Variants in RAPGEF4 observed in about 807,000 individuals in gnomAD.
The protein encoded by RAPGEF4 is RAP guanine-nucleotide-exchange factor (GEF) 4.
RAPGEF4 carries 66 observed loss-of-function variants against 147.9 expected under a neutral mutation model. That is an observed-to-expected ratio of 0.45 (90% confidence interval 0.37 to 0.55). RAPGEF4 has a LOEUF of 0.55. RAPGEF4 is among the 20% of genes least tolerant of loss of function. RAPGEF4 has a pLI of 0.00. For synonymous variants in RAPGEF4, 419 were observed against 442.7 expected (o/e 0.95, Z 0.67); for missense variants, 1,071 against 1,257.3 (o/e 0.85, Z 2.24).
At chr2:172,912,558 CTT>C (rs1215717403) in intron 4 of RAPGEF4, among the ~76,000 whole-genome samples, 1 of 152,150 alleles carries the variant, frequency 6.6e-6, no homozygotes, top group African/African-American at 2.4e-5. Context: ...CCCTTTCTAA[CTT>C]TGAAAATATT....
intron 4 of RAPGEF4, among the ~76,000 whole-genome samples, chr2:172,832,891 C>A (rs1381262999): frequency 6.6e-6 from 1 of 152,234 alleles, no homozygotes; most frequent in Non-Finnish European, 1.5e-5. Flanking sequence ...ATGGGTTACA[C>A]ATCCATGGAT....
At chr2:172,934,540 A>G (rs1013146347) in intron 6 of RAPGEF4, among the ~76,000 whole-genome samples, 3 of 152,170 alleles carry the variant, frequency 2.0e-5, no homozygotes, top group East Asian at 1.9e-4. Context: ...AAAAAGTCCA[A>G]TGCAATGAAT....
intron 4 of RAPGEF4, among the ~76,000 whole-genome samples, chr2:172,878,584 A>G (rs527638724): frequency 6.6e-6 from 1 of 152,212 alleles, no homozygotes; most frequent in Non-Finnish European, 1.5e-5. Flanking sequence ...ACTGAGAGCC[A>G]TCAGAACTTT....
intron 1 of RAPGEF4, among the ~76,000 whole-genome samples, chr2:172,787,183 GC>G: frequency 6.6e-6 from 1 of 152,202 alleles, no homozygotes; most frequent in Non-Finnish European, 1.5e-5. Flanking sequence ...TTGCGCTGCA[GC>G]CTGGGGGACA....
chr2:172,982,563 TAA>T (rs1691797768), intron 10 of RAPGEF4, among the ~76,000 whole-genome samples: 1 of 152,174 alleles, frequency 6.6e-6, no homozygotes, highest in Non-Finnish European at 1.5e-5. Flanking sequence ...ACCATTAATA[TAA>T]ACACTATGAA....
chr2:172,950,297 G>C (rs1028641035), intron 6 of RAPGEF4, among the ~76,000 whole-genome samples: 42 of 152,292 alleles, frequency 2.8e-4, no homozygotes, highest in Non-Finnish European at 1.2e-4. Flanking sequence ...AGTCTCAGTG[G>C]TACCCAGTGG....
intron 4 of RAPGEF4, among the ~76,000 whole-genome samples, chr2:172,842,967 G>A (rs971069389): frequency 6.6e-6 from 1 of 152,170 alleles, no homozygotes; most frequent in Non-Finnish European, 1.5e-5. Context: ...CATGTTGGGT[G>A]GAGCTTGGAA....
intron 1 of RAPGEF4, among the ~76,000 whole-genome samples, chr2:172,749,271 C>A (rs981514213): frequency 6.6e-6 from 1 of 152,228 alleles, no homozygotes; most frequent in African/African-American, 2.4e-5. Flanking sequence ...AGCAGGGGTT[C>A]TCCATGAGGG....
intron 17 of RAPGEF4, among the ~76,000 whole-genome samples, chr2:173,006,427 T>C (rs1224997035): frequency 6.6e-6 from 1 of 152,220 alleles, no homozygotes; most frequent in Non-Finnish European, 1.5e-5. Flanking sequence ...TTTTTGTTAG[T>C]ATACTAATTT....
chr2:172,755,690 C>G (rs749708933), intron 1 of RAPGEF4, among the ~76,000 whole-genome samples: 1 of 152,200 alleles, frequency 6.6e-6, no homozygotes, highest in Non-Finnish European at 1.5e-5. Context: ...GCTACTGCGC[C>G]TGGCCTAAAA....
At chr2:172,828,256 T>A (rs1689896995) in intron 4 of RAPGEF4, among the ~76,000 whole-genome samples, 1 of 152,162 alleles carries the variant, frequency 6.6e-6, no homozygotes, top group South Asian at 2.1e-4. Flanking sequence ...ACCAAGTCCC[T>A]CACTCCATGG....
chr2:172,860,273 G>T (rs925819395), intron 4 of RAPGEF4: 1 of 985,448 alleles, frequency 1.0e-6, no homozygotes. Flanking sequence ...GGCTCCTGCC[G>T]TGGTGGACCT....
chr2:172,843,991 A>G (rs1302888915), intron 4 of RAPGEF4, among the ~76,000 whole-genome samples: 2 of 152,252 alleles, frequency 1.3e-5, no homozygotes, highest in African/African-American at 4.8e-5. Flanking sequence ...TTGCCGTTAA[A>G]TTGCAAATCC....
chr2:172,772,020 T>G (rs530820611), intron 1 of RAPGEF4, among the ~76,000 whole-genome samples: 3 of 152,296 alleles, frequency 2.0e-5, no homozygotes, highest in African/African-American at 7.2e-5. Context: ...GGATGATCAC[T>G]TGATCCCAAA....
chr2:172,818,951 A>G (rs1348254371), intron 4 of RAPGEF4, among the ~76,000 whole-genome samples: 1 of 152,224 alleles, frequency 6.6e-6, no homozygotes, highest in Non-Finnish European at 1.5e-5. Flanking sequence ...TAAGTCATAT[A>G]GGCAACACTC....
intron 1 of RAPGEF4, among the ~76,000 whole-genome samples, chr2:172,787,491 G>A (rs1685327708): frequency 6.6e-6 from 1 of 151,804 alleles, no homozygotes; most frequent in Admixed American, 6.6e-5. Flanking sequence ...AAACAAAACA[G>A]GAATACATAG....
Position 172,990,791 on chromosome 2 carries a change from G to C in RAPGEF4, c.1375-19G>C, listed in dbSNP as rs758994029. On this transcript the variant is annotated intron_variant, in intron 14 of 30. Transcript: ENST00000397081. ...GAGTAAGCGGCAGCATCTGTATGTG[G>C]TGTAATTTGTATTTGCAGGACGTGG... is the stretch of plus-strand genomic sequence containing the variant. The C allele has an allele frequency of 1.9e-6, 3 of 1,579,592 alleles. No individual in the cohort carries two copies. Among genetic ancestry groups the C allele is most frequent in the Admixed American group, 1.7e-5 (1 of 59,490 alleles).
At chr2:173,048,722 T>G in intron 30 of RAPGEF4, 68 bp downstream of exon 30, 2 of 1,610,736 alleles carry the variant, frequency 1.2e-6, no homozygotes, top group South Asian at 2.2e-5. Flanking sequence ...ATGAGGCCAT[T>G]GAGACACCCT....
At chr2:172,830,156 T>G (rs1690134550) in intron 4 of RAPGEF4, among the ~76,000 whole-genome samples, 1 of 152,206 alleles carries the variant, frequency 6.6e-6, no homozygotes, top group African/African-American at 2.4e-5. Flanking sequence ...GGAGAACATT[T>G]ATTCCCAGTG....
Sources: allele counts gnomAD v4.1 joint callset (sites outside exome capture counted in the v4.1 genomes callset), GRCh38; gene constraint gnomAD v4.1.1; transcripts MANE v1.5; gene names NCBI Gene and HGNC (gene_info 2026-07-23, HGNC 2026-07-21).